Variants in MAD1L1 observed in about 807,000 individuals in gnomAD.
MAD1L1 encodes the protein mitotic spindle assembly checkpoint protein MAD1.
A neutral mutation model predicts 96.9 loss-of-function variants in MAD1L1; 95 were observed. The ratio of observed to expected loss-of-function variants is 0.98; its 90% CI spans 0.83 to 1.16. MAD1L1 has a LOEUF of 1.16. MAD1L1 is among the 50% of genes most tolerant of loss of function. The pLI, the probability that MAD1L1 is intolerant of heterozygous loss-of-function variation, is 0.00. For synonymous variants in MAD1L1, 473 were observed against 396.6 expected (o/e 1.19, Z -2.29); for missense variants, 1,007 against 954.4 (o/e 1.06, Z -0.73).
Position 1,984,244 on chromosome 7 carries a change from C to A in MAD1L1, c.1417-3703G>T, listed in dbSNP as rs1412027778. On this transcript the variant is annotated intron_variant, in intron 14 of 18. Transcript: ENST00000265854. ...TCCAAGTGTTAGGAGCTTTTTTTTC[C>A]CTGATTTTGTTCTTGATTTCACATC... is the stretch of plus-strand genomic sequence containing the variant. Among the ~76,000 whole-genome samples the A allele has an allele frequency of 2.6e-5, 4 of 151,808 alleles. No individual in the cohort carries two copies. In the East Asian group the frequency reaches 7.7e-4, roughly 29 times the overall value.
intron 5 of MAD1L1, among the ~76,000 whole-genome samples, 189 bp from the exon 6 acceptor site, chr7:2,219,645 A>AG (rs78786314): frequency 8.8e-6 from 1 of 113,040 alleles, no homozygotes. Flanking sequence ...GCAGAGCGGT[A>AG]GGGGGGCAGA....
chr7:2,078,203 G>A (rs975144923), intron 11 of MAD1L1, among the ~76,000 whole-genome samples: 4 of 152,306 alleles, frequency 2.6e-5, no homozygotes, highest in Admixed American at 6.5e-5. Context: ...CCTCTGCAGA[G>A]AGGCAGGGAA....
chr7:1,845,109 G>A (rs1233630450), intron 18 of MAD1L1, among the ~76,000 whole-genome samples: 1 of 152,246 alleles, frequency 6.6e-6, no homozygotes, highest in Non-Finnish European at 1.5e-5. Flanking sequence ...GAGCGAAGGG[G>A]TCTCCTCTTC....
intron 17 of MAD1L1, among the ~76,000 whole-genome samples, chr7:1,905,910 C>T (rs1204522711): frequency 2.6e-5 from 4 of 152,052 alleles, no homozygotes; most frequent in Non-Finnish European, 4.4e-5. Context: ...ATTAGCCGGA[C>T]GTGGTGGCGC....
chr7:2,008,921 C>T (rs570138101), intron 13 of MAD1L1, among the ~76,000 whole-genome samples: 1 of 152,326 alleles, frequency 6.6e-6, no homozygotes, highest in South Asian at 2.1e-4. Context: ...AGCCAGGCTT[C>T]AGGGGCACAC....
intron 12 of MAD1L1, among the ~76,000 whole-genome samples, chr7:2,068,444 T>A (rs973323422): frequency 2.0e-5 from 3 of 152,230 alleles, no homozygotes; most frequent in African/African-American, 4.8e-5. Context: ...TAAACATCCA[T>A]GAGGCACAAC....
At chr7:1,831,118 T>C (rs1336720710) in intron 18 of MAD1L1, among the ~76,000 whole-genome samples, 1 of 152,376 alleles carries the variant, frequency 6.6e-6, no homozygotes, top group African/African-American at 2.4e-5. Context: ...GTGGCCTGAC[T>C]GTGCCTCACA....
chr7:2,135,947 G>A (rs1289810899), intron 11 of MAD1L1, among the ~76,000 whole-genome samples: 4 of 152,186 alleles, frequency 2.6e-5, no homozygotes, highest in Admixed American at 6.5e-5. Context: ...GCGGCCCAAC[G>A]CTCTCTAGTC....
chr7:2,132,870 AC>A (rs952864536), intron 11 of MAD1L1, among the ~76,000 whole-genome samples: 2 of 152,206 alleles, frequency 1.3e-5, no homozygotes, highest in African/African-American at 4.8e-5. Context: ...TGGAAGCAGG[AC>A]CTGAGAGGAG....
intron 13 of MAD1L1, among the ~76,000 whole-genome samples, chr7:2,005,213 C>G (rs1335519860): frequency 6.6e-6 from 1 of 152,146 alleles, no homozygotes. Flanking sequence ...AGCCATCCAG[C>G]CATGAAGACA....
At chr7:1,839,743 CCTCCCCCCGG>C (rs1162625699) in intron 18 of MAD1L1, among the ~76,000 whole-genome samples, 3 of 152,034 alleles carry the variant, frequency 2.0e-5, no homozygotes, top group Non-Finnish European at 2.9e-5. Flanking sequence ...ATCCCCCCCG[CCTCCCCCCGG>C]CTCCCAGGGC....
chr7:1,993,784 C>T (rs1439177917), intron 14 of MAD1L1, among the ~76,000 whole-genome samples: 4 of 152,234 alleles, frequency 2.6e-5, no homozygotes. Context: ...AGGCTGGGTC[C>T]TCACACTGGG....
At chr7:1,817,203 C>A (rs528039371) in intron 18 of MAD1L1, 9 of 152,200 alleles carry the variant, frequency 5.9e-5, no homozygotes, top group African/African-American at 2.2e-4. Context: ...GCTGCTGGGT[C>A]GAGGGGAATC....
chr7:2,118,796 G>A (rs1353032364), intron 11 of MAD1L1, among the ~76,000 whole-genome samples: 3 of 152,112 alleles, frequency 2.0e-5, no homozygotes, highest in South Asian at 2.1e-4. Context: ...CAAAAGCCAC[G>A]TCATATCTCA....
At chr7:1,879,601 T>C (rs1406316104) in intron 18 of MAD1L1, among the ~76,000 whole-genome samples, 2 of 152,180 alleles carry the variant, frequency 1.3e-5, no homozygotes, top group Admixed American at 6.6e-5. Flanking sequence ...GCTATAATTT[T>C]GAAAAAGAAC....
chr7:2,038,927 C>G (rs1221840950), intron 12 of MAD1L1, among the ~76,000 whole-genome samples: 1 of 152,204 alleles, frequency 6.6e-6, no homozygotes, highest in Non-Finnish European at 1.5e-5. Flanking sequence ...TCTGGCACAA[C>G]TACAGCACAG....
intron 18 of MAD1L1, among the ~76,000 whole-genome samples, chr7:1,818,752 C>G (rs1285574385): frequency 2.0e-5 from 3 of 151,892 alleles, no homozygotes; most frequent in Non-Finnish European, 4.4e-5. Flanking sequence ...CAGCTGCTCC[C>G]AATGGTAGGC....
At chr7:2,004,134 C>A (rs1781924667) in intron 13 of MAD1L1, among the ~76,000 whole-genome samples, 1 of 152,186 alleles carries the variant, frequency 6.6e-6, no homozygotes, top group South Asian at 2.1e-4. Context: ...CAGCCCTACA[C>A]CCCGCCCAGG....
Position 2,225,558 on chromosome 7 carries a change from G to T in MAD1L1, c.151-8C>A, listed in dbSNP as rs761029755. 1.2e-6 allele frequency: 2 copies of T among 1,612,710 alleles called. No homozygotes were observed. Among genetic ancestry groups the T allele is most frequent in the Non-Finnish European group, 1.7e-6 (2 of 1,179,984 alleles). ...CTCTGCTCTTTCCTCCAGCTGAGCA[G>T]GTCGCACCCAAAGAAAAACAGAATC... On this transcript the variant is annotated splice_polypyrimidine_tract_variant and splice_region_variant and intron_variant, in intron 3 of 18. Coordinates refer to ENST00000265854, the MANE Select transcript of MAD1L1 (RefSeq NM_001013836.2).
Sources: gnomAD v4.1 joint callset for allele counts (sites outside exome capture counted in the v4.1 genomes callset) on GRCh38, gnomAD v4.1.1 for gene constraint, MANE v1.5 for transcripts, NCBI Gene and HGNC (gene_info 2026-07-23, HGNC 2026-07-21) for gene names.